The following STRN3 variants were observed in gnomAD, a reference collection of about 807,000 sequenced individuals.
The protein encoded by STRN3 is striatin-3.
In STRN3, 29 loss-of-function variants were observed where a neutral mutation model predicts 95.6. The observed-to-expected ratio is 0.30, with a 90% confidence interval of 0.23 to 0.41. STRN3 has a LOEUF of 0.41. Among genes scored for constraint, STRN3 ranks in the 10% least tolerant of loss-of-function variants. The pLI is 1.00. For synonymous variants in STRN3, 331 were observed against 357.6 expected, an observed-to-expected ratio of 0.93 and a Z score of 0.84; for missense variants, 890 against 972.1, an observed-to-expected ratio of 0.92 and a Z score of 1.12.
intron 1 of STRN3, among the ~76,000 whole-genome samples, chr14:31,012,445 G>C (rs1883011294): frequency 6.6e-6 from 1 of 152,188 alleles, no homozygotes; most frequent in South Asian, 2.1e-4. Context: ...AAACACAACA[G>C]AGTTTGAGGC....
intron 1 of STRN3, among the ~76,000 whole-genome samples, chr14:31,003,582 C>T (rs1049436167): frequency 6.6e-6 from 1 of 152,036 alleles, no homozygotes; most frequent in African/African-American, 2.4e-5. Flanking sequence ...TGCTCTCTCG[C>T]CATGCAATCT....
chr14:30,956,053 A>AAAAGCTGCC, intron 2 of STRN3, 86 bp downstream of exon 2: 2 of 1,171,046 alleles, frequency 1.7e-6, no homozygotes. Context: ...ACCTTTCAAA[A>AAAAGCTGCC]AAAGCTGCCA....
chr14:30,896,239 T>A (rs1896144966), intron 16 of STRN3, among the ~76,000 whole-genome samples: 1 of 152,228 alleles, frequency 6.6e-6, no homozygotes, highest in South Asian at 2.1e-4. Context: ...TAATTACTCC[T>A]AAAAAAGACA....
intron 1 of STRN3, among the ~76,000 whole-genome samples, chr14:31,007,177 A>G (rs1451133839): frequency 6.6e-6 from 1 of 152,234 alleles, no homozygotes; most frequent in African/African-American, 2.4e-5. Context: ...TCCAATAAAA[A>G]GAGATTTCCG....
Position 30,894,183 on chromosome 14 carries a change from A to C in STRN3, c.*1228T>G, listed in dbSNP as rs1276991720. On this transcript the variant is annotated 3_prime_UTR_variant, in exon 18 of 18. Transcript: ENST00000357479. Reference sequence around the variant, plus strand: ...TAGTCAAAACACAGCAGATTTCTGTATCCTGATTCAACTATTTTTGTATCC... The same window carrying C: ...TAGTCAAAACACAGCAGATTTCTGTCTCCTGATTCAACTATTTTTGTATCC... 1 of 152,492 alleles carries C rather than the reference A, an allele frequency of 6.6e-6. No individual in the cohort carries two copies. Among genetic ancestry groups the C allele is most frequent in the Non-Finnish European group, 1.5e-5 (1 of 68,026 alleles). 9.4% of individuals were successfully genotyped at this position (152,492 alleles called of 1,614,324 possible). A position where few individuals can be genotyped will look rare whatever the true frequency, so the allele number is the denominator to read the frequency against.
At chr14:31,025,732 G>A (rs1883822851) in intron 1 of STRN3, 172 bp downstream of exon 1, 8 of 885,968 alleles carry the variant, frequency 9.0e-6, no homozygotes, top group Admixed American at 2.8e-5. Context: ...CGGGAAAGAG[G>A]GAGGGGGACT....
chr14:30,993,090 C>T (rs902042603), intron 1 of STRN3, among the ~76,000 whole-genome samples: 1 of 152,064 alleles, frequency 6.6e-6, no homozygotes, highest in Non-Finnish European at 1.5e-5. Context: ...CATAGTGGGA[C>T]CCCAACTCTA....
Position 30,911,223 on chromosome 14 carries a change from C to T in STRN3, c.1599-61G>A, listed in dbSNP as rs8015764. The T allele has an allele frequency of 4.8e-4, 737 of 1,532,510 alleles. 2 individuals are homozygous for T. In the African/African-American group the frequency reaches 9.1e-3, roughly 19 times the overall value. 94.9% of individuals were successfully genotyped at this position (1,532,510 alleles called of 1,614,324 possible). A position where few individuals can be genotyped will look rare whatever the true frequency, so the allele number is the denominator to read the frequency against. ...AAATTCTAAGAAGAAACTCAAATCT[C>T]CATTCCCCCAACCTCTGAATTTATG... On this transcript the variant is annotated intron_variant, in intron 12 of 17. Transcript: ENST00000357479.
chr14:30,990,915 C>A (rs1203042787), intron 1 of STRN3, among the ~76,000 whole-genome samples: 1 of 152,038 alleles, frequency 6.6e-6, no homozygotes, highest in Non-Finnish European at 1.5e-5. Flanking sequence ...CTTTCTTTTC[C>A]TTGAATATTT....
intron 5 of STRN3, among the ~76,000 whole-genome samples, chr14:30,943,530 G>A (rs1312079100): frequency 6.6e-6 from 1 of 152,202 alleles, no homozygotes; most frequent in Non-Finnish European, 1.5e-5. Context: ...AGCCTGGGAA[G>A]TTATGGCTAC....
At chr14:30,986,125 T>TAA (rs1881680048) in intron 1 of STRN3, among the ~76,000 whole-genome samples, 2 of 152,154 alleles carry the variant, frequency 1.3e-5, no homozygotes, top group Non-Finnish European at 2.9e-5. Flanking sequence ...AGTGAAGGTA[T>TAA]AAAAGTTCCC....
At chr14:30,925,326 A>G (rs1452602595) in intron 8 of STRN3, among the ~76,000 whole-genome samples, 1 of 152,142 alleles carries the variant, frequency 6.6e-6, no homozygotes, top group Non-Finnish European at 1.5e-5. Flanking sequence ...TTAGCATTTA[A>G]AAGTCAAATC....
At chr14:30,913,290 C>G (rs1484461414) in intron 10 of STRN3, among the ~76,000 whole-genome samples, 1 of 151,338 alleles carries the variant, frequency 6.6e-6, no homozygotes, top group African/African-American at 2.4e-5. Context: ...ATTTACTGAC[C>G]AATATATTAA....
At chr14:31,005,158 C>A (rs1370705882) in intron 1 of STRN3, among the ~76,000 whole-genome samples, 1 of 152,050 alleles carries the variant, frequency 6.6e-6, no homozygotes, top group African/African-American at 2.4e-5. Flanking sequence ...ATGGTGAAAC[C>A]CCATCTCTAC....
intron 1 of STRN3, among the ~76,000 whole-genome samples, chr14:30,961,325 CAA>C (rs1185988729): frequency 6.6e-6 from 1 of 152,076 alleles, no homozygotes; most frequent in Non-Finnish European, 1.5e-5. Context: ...TTAAAAAAGA[CAA>C]GAGACAAAGA....
chr14:31,025,631 A>ACCCCCGCC, intron 1 of STRN3: 1 of 510,576 alleles, frequency 2.0e-6, no homozygotes. Flanking sequence ...CCTCCGGAGG[A>ACCCCCGCC]GCCCCCGCAG....
intron 8 of STRN3, among the ~76,000 whole-genome samples, chr14:30,928,325 A>C (rs572698174): frequency 6.6e-6 from 1 of 152,320 alleles, no homozygotes; most frequent in Non-Finnish European, 1.5e-5. Flanking sequence ...AAAGAAACAC[A>C]AAAGAATGTC....
intron 1 of STRN3, among the ~76,000 whole-genome samples, chr14:30,974,162 T>G (rs766405041): frequency 1.3e-5 from 2 of 152,150 alleles, no homozygotes; most frequent in Non-Finnish European, 2.9e-5. Context: ...AAAACTATGT[T>G]CACAGATATG....
intron 1 of STRN3, among the ~76,000 whole-genome samples, chr14:31,008,122 T>C (rs572568686): frequency 8.0e-5 from 12 of 150,194 alleles, no homozygotes; most frequent in African/African-American, 2.9e-4. Context: ...ACCCAGGAGG[T>C]GGGGGTTGCA....
Sources: allele counts gnomAD v4.1 joint callset (sites outside exome capture counted in the v4.1 genomes callset), GRCh38; gene constraint gnomAD v4.1.1; transcripts MANE v1.5; gene names NCBI Gene and HGNC (gene_info 2026-07-23, HGNC 2026-07-21).